Variants in TENT5D observed in about 807,000 individuals in gnomAD.
TENT5D encodes the protein cancer/testis antigen 112.
For synonymous variants in TENT5D, 103 were observed against 100.6 expected (o/e 1.02, Z -0.15); for missense variants, 191 against 287.0 (o/e 0.67, Z 2.42).
intron 3 of TENT5D, among the ~76,000 whole-genome samples, chrX:80,404,664 G>A (rs900897997): frequency 8.9e-6 from 1 of 111,809 alleles, no homozygotes; most frequent in Non-Finnish European, 1.9e-5. Flanking sequence ...TGTGTTTCAC[G>A]AATGCAGTTT....
chrX:80,374,739 A>G (rs1242475892), intron 3 of TENT5D, among the ~76,000 whole-genome samples: 1 of 111,626 alleles, frequency 9.0e-6, no homozygotes, highest in African/African-American at 3.2e-5. Flanking sequence ...CTACAAGATG[A>G]AACCTAACAT....
At chrX:80,419,799 C>T (rs1931848755), upstream of TENT5D, among the ~76,000 whole-genome samples, 1 of 111,930 alleles carries the variant, frequency 8.9e-6, no homozygotes, top group African/African-American at 3.3e-5. Context: ...CAGCCTTGAC[C>T]TTCTGGGCTC....
chrX:80,431,211 C>T (rs1440381983), intron 1 of TENT5D, among the ~76,000 whole-genome samples: 1 of 111,453 alleles, frequency 9.0e-6, no homozygotes, highest in African/African-American at 3.3e-5. Context: ...TCTGTCTTAC[C>T]GGGATGGCTT....
chrX:80,410,758 G>T (rs1931642422), intron 3 of TENT5D, among the ~76,000 whole-genome samples: 1 of 109,608 alleles, frequency 9.1e-6, no homozygotes, highest in Non-Finnish European at 1.9e-5. Flanking sequence ...ATACCCAAAG[G>T]GCTATAAATC....
At chrX:80,384,175 A>G (rs762103753) in intron 3 of TENT5D, among the ~76,000 whole-genome samples, 1 of 102,323 alleles carries the variant, frequency 9.8e-6, no homozygotes, top group East Asian at 3.1e-4. Context: ...AAAATCCTCA[A>G]TAAAATACTG....
chrX:80,417,904 T>C (rs1452085384), upstream of TENT5D, among the ~76,000 whole-genome samples: 1 of 111,577 alleles, frequency 9.0e-6, no homozygotes, highest in African/African-American at 3.3e-5. Context: ...AAATAGGTTT[T>C]CCAAGGTGTT....
intron 3 of TENT5D, among the ~76,000 whole-genome samples, chrX:80,358,946 C>T (rs1331508527): frequency 9.0e-6 from 1 of 111,492 alleles, no homozygotes; most frequent in African/African-American, 3.3e-5. Flanking sequence ...GAAAGTATTG[C>T]CAGATAGGTA....
At chrX:80,364,896 AT>A (rs1288570233) in intron 3 of TENT5D, among the ~76,000 whole-genome samples, 5 of 30,711 alleles carry the variant, frequency 1.6e-4, no homozygotes, top group African/African-American at 5.6e-4. Context: ...TCCAAGAGAG[AT>A]TTTTTTTCTT....
chrX:80,382,665 C>T lies in TENT5D; in HGVS notation c.-142+40101C>T, dbSNP rs1038579674. Reference sequence around the variant, plus strand: ...GGCTCCACCCAGTTCAAGCTTCTGGCCACTTTGTTTACCTACTCAAACTTC... The same window carrying T: ...GGCTCCACCCAGTTCAAGCTTCTGGTCACTTTGTTTACCTACTCAAACTTC... On this transcript the variant is annotated intron_variant, in intron 3 of 4. Coordinates refer to the TENT5D transcript ENST00000538312. Among the ~76,000 whole-genome samples the T allele has an allele frequency of 2.8e-5, 3 of 106,675 alleles. No homozygotes were observed. The Admixed American group carries it at 3.1e-4, about 11-fold the overall frequency. The allele number at this position is 106,675 out of a possible 115,157, so 92.6% of individuals were successfully genotyped here. A position where few individuals can be genotyped will look rare whatever the true frequency, so the allele number is the denominator to read the frequency against.
At chrX:80,397,024 G>T (rs762312531) in intron 3 of TENT5D, among the ~76,000 whole-genome samples, 20 of 97,363 alleles carry the variant, frequency 2.1e-4, no homozygotes, top group South Asian at 1.1e-3. Flanking sequence ...CTGGCCGGGG[G>T]GGGGGCTGAC....
At chrX:80,397,342 C>T (rs1345402984) in intron 3 of TENT5D, among the ~76,000 whole-genome samples, 3 of 107,796 alleles carry the variant, frequency 2.8e-5, no homozygotes, top group African/African-American at 1.0e-4. Context: ...GGCGGCCGGG[C>T]AGAGATGCTC....
intron 1 of TENT5D, among the ~76,000 whole-genome samples, chrX:80,425,402 ATTCAG>A (rs751724911): frequency 8.9e-6 from 1 of 112,693 alleles, no homozygotes; most frequent in Non-Finnish European, 1.9e-5. Flanking sequence ...AGTTCAGTCC[ATTCAG>A]TTAACTCTTG....
At chrX:80,428,981 G>A (rs1254472337) in intron 1 of TENT5D, among the ~76,000 whole-genome samples, 1 of 111,627 alleles carries the variant, frequency 9.0e-6, no homozygotes, top group Non-Finnish European at 1.9e-5. Context: ...CAGCTTCAGT[G>A]TTTAGAAGGA....
At chrX:80,370,579 A>C (rs1394552258) in intron 3 of TENT5D, among the ~76,000 whole-genome samples, 2 of 112,276 alleles carry the variant, frequency 1.8e-5, no homozygotes, top group African/African-American at 6.5e-5. Flanking sequence ...CTATTAAGTA[A>C]TATTTTAACA....
chrX:80,357,758 A>G (rs1930316662), intron 3 of TENT5D, among the ~76,000 whole-genome samples: 1 of 111,485 alleles, frequency 9.0e-6, no homozygotes, highest in Admixed American at 9.6e-5. Context: ...TTATAGATTC[A>G]GTGCCATCCC....
chrX:80,434,781 T>C (rs1199195709), intron 1 of TENT5D, among the ~76,000 whole-genome samples: 2 of 103,475 alleles, frequency 1.9e-5, no homozygotes, highest in African/African-American at 7.4e-5. Flanking sequence ...CGTTTTTTTC[T>C]TTGTTTTTTT....
At chrX:80,376,744 T>C (rs182431334) in intron 3 of TENT5D, among the ~76,000 whole-genome samples, 344 of 111,694 alleles carry the variant, frequency 3.1e-3, no homozygotes, top group Middle Eastern at 9.2e-3. Context: ...GAAAAGTGAA[T>C]TTTCTGTCAG....
At chrX:80,401,505 G>T (rs762020766) in intron 3 of TENT5D, among the ~76,000 whole-genome samples, 11 of 111,555 alleles carry the variant, frequency 9.9e-5, no homozygotes, top group African/African-American at 3.6e-4. Context: ...AAAGAAAAAG[G>T]TTCTACTTTT....
intron 1 of TENT5D, among the ~76,000 whole-genome samples, chrX:80,421,714 A>C (rs1355818560): frequency 8.9e-6 from 1 of 111,890 alleles, no homozygotes; most frequent in Non-Finnish European, 1.9e-5. Flanking sequence ...TTAACTGCAG[A>C]TGTGAGAGAA....
Sources: allele counts gnomAD v4.1 joint callset (sites outside exome capture counted in the v4.1 genomes callset), GRCh38; gene constraint gnomAD v4.1.1; transcripts MANE v1.5; gene names NCBI Gene and HGNC (gene_info 2026-07-23, HGNC 2026-07-21).